The following SACS variants were observed in gnomAD, a reference collection of about 807,000 sequenced individuals.
SACS encodes sacsin molecular chaperone, also known as sacsin.
A neutral mutation model predicts 348.0 loss-of-function variants in SACS; 197 were observed. The observed-to-expected ratio is 0.57, with a 90% confidence interval of 0.50 to 0.64. The LOEUF is 0.64. Ranked by LOEUF, SACS falls within the 30% of genes least tolerant of loss-of-function variation. The pLI, the probability that SACS is intolerant of heterozygous loss-of-function variation, is 0.00. For synonymous variants in SACS, 1,985 were observed against 1,910.6 expected (o/e 1.04, Z -1.02); for missense variants, 4,999 against 5,360.8 (o/e 0.93, Z 2.11).
intron 2 of SACS, among the ~76,000 whole-genome samples, chr13:23,391,571 TGC>T (rs67604893): frequency 0.5 from 76,679 of 151,868 alleles, 19,995 homozygotes; most frequent in East Asian, 0.8. Context: ...ATCGGGACTC[TGC>T]GCCCTTCAAG....
chr13:23,333,390 G>T lies in SACS; in HGVS notation c.10486C>A (p.His3496Asn). The T allele has an allele frequency of 6.2e-7, 1 of 1,604,746 alleles. No homozygotes were observed. The change falls in exon 10 of 10, where the codon CAC (histidine) becomes AAC (asparagine). Residue 3496 changes from histidine to asparagine, a missense_variant. His to Asn is a moderately conservative substitution (Grantham distance 68). Around this residue, in one of 6 missense-constraint regions of SACS, gnomAD observed 734 missense variants for 694.0 expected, o/e 1.06. Transcript: ENST00000382292. ...AATCTATTCTTAAGGTAGATCAAGT[G>T]CTCTAATTTTGCATCATAAGAGAGA... ...ENLSYDAKLE[H>N]LIYLKNRLSS...
At chr13:23,387,546 C>T (rs1593167565) in intron 2 of SACS, among the ~76,000 whole-genome samples, 2 of 151,246 alleles carry the variant, frequency 1.3e-5, no homozygotes. Context: ...ACTTTCACTA[C>T]GAAGCTGGAA....
At chr13:23,365,756 T>TC (rs1176798631) in intron 5 of SACS, among the ~76,000 whole-genome samples, 2 of 152,184 alleles carry the variant, frequency 1.3e-5, no homozygotes, top group African/African-American at 2.4e-5. Context: ...ATATATACCC[T>TC]TCAATTGGCT....
In SACS at chr13:23,338,944, G is replaced by A; in HGVS notation, c.4932C>T (p.Phe1644=). Residue 1644 remains phenylalanine, a synonymous_variant, in exon 10 of 10, where the codon TTC becomes TTT. Coordinates refer to ENST00000382292, the MANE Select transcript of SACS (RefSeq NM_014363.6). Reference sequence around the variant, plus strand: ...CCTGTTGAGTTCTAAAGGACAGTCGGAAAAGGGTTCCATTATAGCTGTAAG... The same window carrying A: ...CCTGTTGAGTTCTAAAGGACAGTCGAAAAAGGGTTCCATTATAGCTGTAAG... ...EAPYSYNGTL[F]RLSFRTQQEA... 6.2e-7 allele frequency: 1 copy of A among 1,613,810 alleles called. No homozygotes were observed. Among genetic ancestry groups the A allele is most frequent in the Non-Finnish European group, 8.5e-7 (1 of 1,179,924 alleles).
chr13:23,345,948 G>GT (rs1228704382), intron 9 of SACS, among the ~76,000 whole-genome samples: 1 of 152,110 alleles, frequency 6.6e-6, no homozygotes, highest in Admixed American at 6.6e-5. Flanking sequence ...ACGAGGCACT[G>GT]TAAGAACAAT....
chr13:23,426,248 T>C (rs1157194292), intron 1 of SACS, among the ~76,000 whole-genome samples: 1 of 152,198 alleles, frequency 6.6e-6, no homozygotes, highest in Non-Finnish European at 1.5e-5. Context: ...ACGCACCCCT[T>C]ACACAGCCTC....
chr13:23,407,847 A>G (rs764957027), intron 2 of SACS, among the ~76,000 whole-genome samples: 1 of 151,902 alleles, frequency 6.6e-6, no homozygotes, highest in Non-Finnish European at 1.5e-5. Context: ...CTATCTGATC[A>G]CCTCCACATC....
chr13:23,371,569 G>A (rs1871393550), intron 3 of SACS, among the ~76,000 whole-genome samples: 1 of 152,146 alleles, frequency 6.6e-6, no homozygotes, highest in African/African-American at 2.4e-5. Context: ...AATTAGTTTA[G>A]ATGAATAATA....
intron 9 of SACS, among the ~76,000 whole-genome samples, chr13:23,352,502 A>T (rs185530007): frequency 6.6e-6 from 1 of 152,344 alleles, no homozygotes; most frequent in East Asian, 1.9e-4. Context: ...TCTTCTGGTA[A>T]TCTTCTGCGT....
chr13:23,358,312 G>C, intron 7 of SACS, 23 bp downstream of exon 7: 1 of 1,609,174 alleles, frequency 6.2e-7, no homozygotes, highest in Admixed American at 1.7e-5. Context: ...CTAATACCAA[G>C]ACCGAAAAGC....
chr13:23,362,186 C>A (rs1395723912), intron 6 of SACS, among the ~76,000 whole-genome samples: 1 of 152,172 alleles, frequency 6.6e-6, no homozygotes, highest in Non-Finnish European at 1.5e-5. Context: ...GAAACCAACT[C>A]CGTGAGATCC....
rs757808619 is a variant in SACS, at chr13:23,332,632, T to C, written c.11244A>G (p.Val3748=). Residue 3748 remains valine (V), a synonymous_variant, in exon 10 of 10, where the codon GTA becomes GTG. Transcript: ENST00000382292. ...TGCATATGTTTCTGCAGTTATTGAT[T>C]ACCTTATCAAGAGGAGGATCCAGGT... is the stretch of plus-strand genomic sequence containing the variant. The part of the protein sequence containing the change: ...NVNLDPPLDK[V]INNCRNICNI... 59 of 1,613,520 alleles carry C rather than the reference T, an allele frequency of 3.7e-5. No homozygotes were observed. Among genetic ancestry groups the C allele is most frequent in the Non-Finnish European group, 5.1e-6 (6 of 1,179,904 alleles).
chr13:23,370,271 A>G (rs1467108356), intron 4 of SACS, among the ~76,000 whole-genome samples: 1 of 152,242 alleles, frequency 6.6e-6, no homozygotes, highest in Non-Finnish European at 1.5e-5. Flanking sequence ...CATAATCTTT[A>G]AAACAGCTTT....
intron 2 of SACS, among the ~76,000 whole-genome samples, chr13:23,401,656 T>G (rs1872982730): frequency 6.6e-6 from 1 of 152,230 alleles, no homozygotes; most frequent in Admixed American, 6.5e-5. Context: ...AAAATTTCCT[T>G]GTCAAATAAA....
In SACS at chr13:23,337,358, A is replaced by G. The variant is rs368624188; in HGVS notation, c.6518T>C (p.Ile2173Thr). Residue 2173 changes from isoleucine (I) to threonine (T), a missense_variant, in exon 10 of 10, where the codon ATT becomes ACT. By Grantham distance (89) the Ile-to-Thr change is moderately conservative (BLOSUM62 -1). Around this residue, in one of 6 missense-constraint regions of SACS, gnomAD observed 3,156 missense variants for 3,380.1 expected, o/e 0.93. Transcript: ENST00000382292. ...TGCAGCAACATGATCACTTTTATTA[A>G]TTTCAGCTACTGACACTGCACGTTC... ...MLERAVSVAE[I>T]NKSDHVAACL... The G allele has an allele frequency of 1.1e-5, 17 of 1,613,834 alleles. No individual in the cohort carries two copies. In the Admixed American group the frequency reaches 2.7e-4, roughly 25 times the overall value.
intron 1 of SACS, among the ~76,000 whole-genome samples, chr13:23,422,064 G>A (rs1319356391): frequency 2.0e-5 from 3 of 152,134 alleles, no homozygotes; most frequent in East Asian, 1.9e-4. Flanking sequence ...AAGTAACAAC[G>A]TTTGAGAGGT....
chr13:23,424,071 A>G (rs544346753), intron 1 of SACS, among the ~76,000 whole-genome samples: 22 of 152,294 alleles, frequency 1.4e-4, no homozygotes, highest in Non-Finnish European at 2.9e-4. Context: ...ATGACATTTC[A>G]GAGGTTATTG....
Position 23,399,019 on chromosome 13 carries a change from C to CAAAAAAAAAAAAAAAAAAA in SACS, c.20+12200_20+12201insTTTTTTTTTTTTTTTTTTT, listed in dbSNP as rs752943692. ...CTGGTAACAGAGTGAGACTCCATCT[C>CAAAAAAAAAAAAAAAAAAA]AAAAAAAAAAAAAAAAAACATGGAT... is the stretch of plus-strand genomic sequence containing the variant. On this transcript the variant is annotated intron_variant, in intron 2 of 9. Coordinates refer to ENST00000382292, the MANE Select transcript of SACS (RefSeq NM_014363.6). Among the ~76,000 whole-genome samples, 41 of 67,116 alleles carry CAAAAAAAAAAAAAAAAAAA rather than the reference C, an allele frequency of 6.1e-4. 2 individuals carry two copies. Among genetic ancestry groups the CAAAAAAAAAAAAAAAAAAA allele is most frequent in the East Asian group, 3.6e-3 (5 of 1,400 alleles). 44.0% of individuals were successfully genotyped at this position (67,116 alleles called of 152,430 possible).
At position 23,331,051 on chromosome 13, in the gene SACS, GCTT is replaced by G; in HGVS notation, c.12822_12824del (p.Arg4274del). The G allele has an allele frequency of 6.2e-7, 1 of 1,614,036 alleles. No individual in the cohort carries two copies. The highest frequency in any genetic ancestry group is 8.5e-7 in the Non-Finnish European group (1 of 1,179,914). ...CTCTACCAGAGAAAAGAGGAGGAAT[GCTT>G]CTCAGGCCAGGGGTGAGGAACTCAG... On this transcript the variant is annotated inframe_deletion, in exon 10 of 10. Coordinates refer to ENST00000382292, the MANE Select transcript of SACS (RefSeq NM_014363.6).
Sources: gnomAD v4.1 joint callset for allele counts (sites outside exome capture counted in the v4.1 genomes callset) on GRCh38, gnomAD v4.1.1 for gene constraint, gnomAD v4.1.1 regional missense constraint, MANE v1.5 for transcripts, NCBI Gene and HGNC (gene_info 2026-07-23, HGNC 2026-07-21) for gene names.